The following CNTN1 variants were observed in gnomAD, a reference collection of about 807,000 sequenced individuals.
CNTN1 encodes contactin-1.
In CNTN1, 38 loss-of-function variants were observed where a neutral mutation model predicts 126.4. The observed-to-expected ratio is 0.30, with a 90% CI of 0.23 to 0.39. The LOEUF is 0.39. Ranked by LOEUF, CNTN1 falls within the 10% of genes least tolerant of loss-of-function variation. The probability of loss-of-function intolerance (pLI) is 1.00; values close to 1 mark genes in which losing one functional copy is unlikely to be tolerated. For synonymous variants in CNTN1, 413 were observed against 422.6 expected, an observed-to-expected ratio of 0.98 and a Z score of 0.28; for missense variants, 1,009 against 1,248.4, an observed-to-expected ratio of 0.81 and a Z score of 2.89.
At chr12:41,057,777 T>C (rs1949857959) in intron 23 of CNTN1, among the ~76,000 whole-genome samples, 2 of 151,924 alleles carry the variant, frequency 1.3e-5, no homozygotes, top group African/African-American at 2.4e-5. Flanking sequence ...TTTTTTATTT[T>C]TATATTTTGC....
chr12:40,731,472 A>C (rs1413771938), intron 1 of CNTN1, among the ~76,000 whole-genome samples: 1 of 152,040 alleles, frequency 6.6e-6, no homozygotes, highest in Non-Finnish European at 1.5e-5. Flanking sequence ...TGGAAACAAC[A>C]GTCTGAGCAA....
chr12:40,809,365 G>C (rs1339172286), intron 1 of CNTN1, among the ~76,000 whole-genome samples: 1 of 152,084 alleles, frequency 6.6e-6, no homozygotes, highest in Non-Finnish European at 1.5e-5. Context: ...TAACTTGCTG[G>C]TACATTAATA....
At chr12:40,790,867 C>A (rs148055162) in intron 1 of CNTN1, among the ~76,000 whole-genome samples, 2 of 152,216 alleles carry the variant, frequency 1.3e-5, no homozygotes, top group African/African-American at 4.8e-5. Context: ...ACATCAATGA[C>A]CTTAATTCAA....
intron 1 of CNTN1, among the ~76,000 whole-genome samples, chr12:40,752,129 C>G (rs1024399704): frequency 1.3e-5 from 2 of 151,938 alleles, no homozygotes; most frequent in Non-Finnish European, 2.9e-5. Context: ...TATAATTCTC[C>G]TTGACAACTG....
intron 15 of CNTN1, among the ~76,000 whole-genome samples, chr12:40,973,402 T>A (rs1465946361): frequency 2.0e-5 from 3 of 152,156 alleles, no homozygotes; most frequent in African/African-American, 7.2e-5. Flanking sequence ...AGATGTCTCC[T>A]GCCCTAATAT....
Position 41,029,219 on chromosome 12 carries a change from GGTAA to G in CNTN1, c.2980+3_2980+6del, listed in dbSNP as rs1180265636. 1.8e-5 allele frequency: 29 copies of G among 1,613,960 alleles called. No individual in the cohort carries two copies. The highest frequency in any genetic ancestry group is 1.7e-4 in the Middle Eastern group (1 of 6,060). On this transcript the variant is annotated splice_donor_variant and splice_donor_region_variant and intron_variant, in intron 23 of 23. Coordinates refer to ENST00000551295, the MANE Select transcript of CNTN1 (RefSeq NM_001843.4). LOFTEE classifies it high-confidence loss of function. ...AGTGGTGTCTCAAGTCAAAATTTCA[GGTAA>G]GTGAGTCATTTAAGACACATTTCAA...
At chr12:41,007,633 G>C (rs61924395) in intron 17 of CNTN1, among the ~76,000 whole-genome samples, 1 of 152,136 alleles carries the variant, frequency 6.6e-6, no homozygotes, top group East Asian at 1.9e-4. Flanking sequence ...TGAGGAGGCG[G>C]TGCCTGATTT....
chr12:40,706,807 C>T (rs1333456253), intron 1 of CNTN1, among the ~76,000 whole-genome samples: 3 of 152,096 alleles, frequency 2.0e-5, no homozygotes, highest in Non-Finnish European at 4.4e-5. Context: ...TGGCTGTTCT[C>T]AATATTTACA....
intron 15 of CNTN1, chr12:40,972,526 G>C: frequency 1.2e-6 from 1 of 855,562 alleles, no homozygotes; most frequent in Non-Finnish European, 1.4e-6. Flanking sequence ...TGAGGGAAAT[G>C]AATATAACTC....
At chr12:41,036,966 C>T (rs1353347069) in intron 23 of CNTN1, among the ~76,000 whole-genome samples, 1 of 152,074 alleles carries the variant, frequency 6.6e-6, no homozygotes, top group Non-Finnish European at 1.5e-5. Flanking sequence ...TTTTTTGTTA[C>T]TATTAATGTA....
At chr12:40,846,722 C>T (rs1184260119) in intron 1 of CNTN1, among the ~76,000 whole-genome samples, 1 of 151,970 alleles carries the variant, frequency 6.6e-6, no homozygotes, top group Non-Finnish European at 1.5e-5. Context: ...GGCAGAGTCT[C>T]TCTTTGTCAC....
chr12:40,851,121 C>A (rs1414164310), intron 1 of CNTN1, among the ~76,000 whole-genome samples: 2 of 152,158 alleles, frequency 1.3e-5, no homozygotes, highest in East Asian at 3.9e-4. Context: ...AGGACTTTTC[C>A]AAAGCCTTTG....
chr12:40,953,241 A>G (rs926389418), intron 14 of CNTN1, among the ~76,000 whole-genome samples: 1 of 152,136 alleles, frequency 6.6e-6, no homozygotes, highest in African/African-American at 2.4e-5. Context: ...TGCTATCACA[A>G]TTTCCAGTAT....
intron 1 of CNTN1, among the ~76,000 whole-genome samples, chr12:40,879,265 C>G (rs888326920): frequency 1.3e-5 from 2 of 152,244 alleles, no homozygotes; most frequent in African/African-American, 4.8e-5. Context: ...TTTTCGAAAA[C>G]CAGTCACCCA....
intron 1 of CNTN1, among the ~76,000 whole-genome samples, chr12:40,854,187 A>G (rs1942818322): frequency 6.6e-6 from 1 of 151,974 alleles, no homozygotes; most frequent in African/African-American, 2.4e-5. Context: ...TGGTAAATAC[A>G]CATATTAAAT....
intron 1 of CNTN1, among the ~76,000 whole-genome samples, chr12:40,875,208 G>A (rs933308814): frequency 6.6e-6 from 1 of 152,074 alleles, no homozygotes. Flanking sequence ...TAAACTTCTT[G>A]TTCTGAGATA....
intron 4 of CNTN1, 73 bp from the exon 5 acceptor site, chr12:40,922,183 A>G (rs1395149088): frequency 2.3e-6 from 3 of 1,313,586 alleles, no homozygotes; most frequent in Non-Finnish European, 3.3e-6. Context: ...AAATTATTTT[A>G]GAACTGTGTT....
intron 1 of CNTN1, among the ~76,000 whole-genome samples, chr12:40,768,118 T>C (rs1384763506): frequency 6.6e-6 from 1 of 152,264 alleles, no homozygotes; most frequent in Non-Finnish European, 1.5e-5. Flanking sequence ...TCTCGATGTA[T>C]CCTTTAAATT....
chr12:40,807,350 G>A (rs1050963421), intron 1 of CNTN1, among the ~76,000 whole-genome samples: 1 of 151,712 alleles, frequency 6.6e-6, no homozygotes, highest in Non-Finnish European at 1.5e-5. Context: ...TCCCTACATG[G>A]TGAGTAGTTC....
Sources: gnomAD v4.1 joint callset for allele counts (sites outside exome capture counted in the v4.1 genomes callset) on GRCh38, gnomAD v4.1.1 for gene constraint, MANE v1.5 for transcripts, NCBI Gene and HGNC (gene_info 2026-07-23, HGNC 2026-07-21) for gene names.